Variants in PLCB4 observed in about 807,000 individuals in gnomAD.
The protein encoded by PLCB4 is 1-phosphatidylinositol 4,5-bisphosphate phosphodiesterase beta-4.
A neutral mutation model predicts 178.8 loss-of-function variants in PLCB4; 77 were observed. The observed-to-expected ratio is 0.43, with a 90% CI of 0.36 to 0.52. The LOEUF is 0.52. PLCB4 is among the 20% of genes least tolerant of loss of function. The probability of loss-of-function intolerance (pLI) is 0.00; values close to 1 mark genes in which losing one functional copy is unlikely to be tolerated. For missense variants in PLCB4, 1,024 were observed against 1,453.4 expected (o/e 0.70, Z 4.80); for synonymous variants, 496 against 490.8 (o/e 1.01, Z -0.14).
intron 9 of PLCB4, among the ~76,000 whole-genome samples, chr20:9,367,684 T>C (rs1333219431): frequency 6.6e-6 from 1 of 152,214 alleles, no homozygotes; most frequent in Non-Finnish European, 1.5e-5. Flanking sequence ...TAGAGACACA[T>C]AGATTGTGAT....
chr20:9,070,688 C>G (rs777842581), intron 1 of PLCB4, among the ~76,000 whole-genome samples: 3 of 152,270 alleles, frequency 2.0e-5, no homozygotes, highest in Middle Eastern at 3.4e-3. Context: ...TTTATTGGCA[C>G]TTTTATGAAC....
chr20:9,428,142 T>C (rs1015791565), intron 28 of PLCB4, among the ~76,000 whole-genome samples: 3 of 152,188 alleles, frequency 2.0e-5, no homozygotes, highest in African/African-American at 4.8e-5. Flanking sequence ...GAAAGAATGT[T>C]CTTAATTAAG....
chr20:9,265,766 A>G (rs2094343425), intron 3 of PLCB4, among the ~76,000 whole-genome samples: 1 of 152,300 alleles, frequency 6.6e-6, no homozygotes, highest in South Asian at 2.1e-4. Flanking sequence ...AAATTCTTAC[A>G]GAAACTTCTA....
chr20:9,341,606 G>A (rs1312004633), intron 7 of PLCB4, among the ~76,000 whole-genome samples: 1 of 152,014 alleles, frequency 6.6e-6, no homozygotes, highest in Non-Finnish European at 1.5e-5. Flanking sequence ...TGTCTCAGGG[G>A]TGGCAGAGGT....
chr20:9,119,945 C>T (rs1481635607), intron 2 of PLCB4, among the ~76,000 whole-genome samples: 1 of 152,174 alleles, frequency 6.6e-6, no homozygotes, highest in Non-Finnish European at 1.5e-5. Flanking sequence ...TCTAAGAAGC[C>T]GGGAGTGTGT....
At chr20:9,368,789 A>G (rs1480843966) in intron 9 of PLCB4, among the ~76,000 whole-genome samples, 5 of 152,160 alleles carry the variant, frequency 3.3e-5, no homozygotes, top group South Asian at 2.1e-4. Flanking sequence ...GTCCCCCGGA[A>G]TAGAATTTAA....
intron 2 of PLCB4, among the ~76,000 whole-genome samples, chr20:9,149,807 G>C (rs565883044): frequency 6.6e-6 from 1 of 152,250 alleles, no homozygotes; most frequent in Non-Finnish European, 1.5e-5. Flanking sequence ...ACTGGAGGTT[G>C]GTGTGCAGAG....
chr20:9,129,742 C>T (rs1330155831), intron 2 of PLCB4, among the ~76,000 whole-genome samples: 1 of 152,120 alleles, frequency 6.6e-6, no homozygotes, highest in Non-Finnish European at 1.5e-5. Context: ...AGCATTTAAA[C>T]CTTGTTGTAA....
At chr20:9,120,153 C>T (rs924317169) in intron 2 of PLCB4, among the ~76,000 whole-genome samples, 4 of 152,170 alleles carry the variant, frequency 2.6e-5, no homozygotes, top group Non-Finnish European at 4.4e-5. Context: ...GGCCCATCTG[C>T]GTTACGGAAG....
intron 4 of PLCB4, among the ~76,000 whole-genome samples, chr20:9,324,729 A>G (rs1253135033): frequency 6.6e-6 from 1 of 152,140 alleles, no homozygotes; most frequent in Non-Finnish European, 1.5e-5. Context: ...TATTTTAGAC[A>G]CAATAAAAAG....
At chr20:9,312,428 A>C in intron 4 of PLCB4, among the ~76,000 whole-genome samples, 1 of 151,548 alleles carries the variant, frequency 6.6e-6, no homozygotes, top group African/African-American at 2.4e-5. Context: ...GGTGGAGGAA[A>C]ACTGAGACAA....
intron 25 of PLCB4, among the ~76,000 whole-genome samples, chr20:9,416,652 C>CA (rs1238307413): frequency 6.6e-6 from 1 of 151,978 alleles, no homozygotes; most frequent in Non-Finnish European, 1.5e-5. Flanking sequence ...ACTCTAGCCA[C>CA]AAAAAAAGCT....
chr20:9,412,071 AC>A (rs2039898574), intron 25 of PLCB4, among the ~76,000 whole-genome samples: 1 of 152,106 alleles, frequency 6.6e-6, no homozygotes, highest in African/African-American at 2.4e-5. Context: ...TCCCCAAATC[AC>A]CCACCACTTA....
At chr20:9,343,973 A>G (rs1391379490) in intron 7 of PLCB4, among the ~76,000 whole-genome samples, 1 of 152,098 alleles carries the variant, frequency 6.6e-6, no homozygotes, top group African/African-American at 2.4e-5. Context: ...TTTCTTCCCT[A>G]TTGTGCCCCA....
chr20:9,191,882 T>G (rs544159610), intron 2 of PLCB4, among the ~76,000 whole-genome samples: 1 of 122,622 alleles, frequency 8.2e-6, no homozygotes, highest in South Asian at 2.2e-4. Context: ...TTCTGTATGT[T>G]TTTTTTTTTT....
intron 3 of PLCB4, among the ~76,000 whole-genome samples, chr20:9,269,053 G>A (rs2094377403): frequency 6.6e-6 from 1 of 151,992 alleles, no homozygotes; most frequent in African/African-American, 2.4e-5. Context: ...AGGTCACATG[G>A]GATCAAAAAA....
chr20:9,151,349 A>G (rs1267734227), intron 2 of PLCB4, among the ~76,000 whole-genome samples: 1 of 152,002 alleles, frequency 6.6e-6, no homozygotes, highest in Non-Finnish European at 1.5e-5. Flanking sequence ...ATACTGAGGG[A>G]TGGCTGATAT....
chr20:9,442,942 A>G (rs2042196329), intron 30 of PLCB4, among the ~76,000 whole-genome samples: 1 of 152,204 alleles, frequency 6.6e-6, no homozygotes, highest in Non-Finnish European at 1.5e-5. Flanking sequence ...TCTTGAATAT[A>G]TCATACCTAG....
Position 9,453,450 on chromosome 20 carries a change from T to A in PLCB4, c.2984T>A (p.Met995Lys). 6.3e-7 allele frequency: 1 copy of A among 1,578,980 alleles called. No homozygotes were observed. Among genetic ancestry groups the A allele is most frequent in the South Asian group, 1.1e-5 (1 of 90,396 alleles). ...STHEKILEKA[M>K]KKKGGSNCLE... ...CATGAGAAAATCCTAGAGAAGGCAA[T>A]GAAGAAGAAGGGGTAATACTGTTTA... Residue 995 changes from methionine (M) to lysine (K), a missense_variant, in exon 33 of 40, where the codon ATG becomes AAG. Around this residue, in one of 7 missense-constraint regions of PLCB4, gnomAD observed 264 missense variants for 283.2 expected, o/e 0.93. Transcript: ENST00000378473.
Sources: gnomAD v4.1 joint callset for allele counts (sites outside exome capture counted in the v4.1 genomes callset) on GRCh38, gnomAD v4.1.1 for gene constraint, gnomAD v4.1.1 regional missense constraint, MANE v1.5 for transcripts, NCBI Gene and HGNC (gene_info 2026-07-23, HGNC 2026-07-21) for gene names.